Variants in NDC1 observed in about 807,000 individuals in gnomAD.
The protein encoded by NDC1 is nucleoporin NDC1.
Under a neutral mutation model 89.8 loss-of-function variants are expected in NDC1, and 24 were observed. The ratio of observed to expected loss-of-function variants is 0.27; its 90% CI spans 0.19 to 0.38. The LOEUF (loss-of-function observed/expected upper bound fraction) is 0.38. Among genes scored for constraint, NDC1 ranks in the 10% least tolerant of loss-of-function variants. The pLI is 1.00. For missense variants in NDC1, 728 were observed against 797.6 expected (o/e 0.91, Z 1.05); for synonymous variants, 296 against 284.8 (o/e 1.04, Z -0.39).
At position 53,797,116 on chromosome 1, in the gene NDC1, A is replaced by G. The variant is rs750409539; in HGVS notation, c.1251T>C (p.Ser417=). 5 of 1,614,156 alleles carry G rather than the reference A, an allele frequency of 3.1e-6. No homozygotes were observed. Among genetic ancestry groups the G allele is most frequent in the Admixed American group, 1.7e-5 (1 of 60,014 alleles). The change falls in exon 12 of 18, where the codon TCT becomes TCC. Residue 417 remains serine, a synonymous_variant. Transcript: ENST00000371429. The stretch of plus-strand genomic sequence containing the variant: ...GCACTGAAGGCCGAGGCATCTGGCT[A>G]GATTTTGGTGTCTGAAAAGCAGTTT... The part of the protein sequence containing the change: ...PEETAFQTPK[S]SQMPRPSVPP...
Position 53,767,933 on chromosome 1 carries a change from T to A in NDC1, c.*37A>T, listed in dbSNP as rs750355287. ...ACATTTACTGTCCCATCTGTAGTTG[T>A]ATCAGCAGTGTAATGAACACAGTTT... On this transcript the variant is annotated 3_prime_UTR_variant, in exon 18 of 18. Transcript: ENST00000371429. The A allele has an allele frequency of 1.6e-6, 2 of 1,280,998 alleles. No individual in the cohort carries two copies. Among genetic ancestry groups the A allele is most frequent in the African/African-American group, 3.0e-5 (2 of 67,524 alleles). 79.4% of individuals were successfully genotyped at this position (1,280,998 alleles called of 1,614,324 possible).
chr1:53,834,417 A>C lies in NDC1; in HGVS notation c.178+1083T>G, dbSNP rs553003600. On this transcript the variant is annotated intron_variant, in intron 2 of 17. Transcript: ENST00000371429. ...TTCACCTGACCAGTGGGACCTATCG[A>C]AAAAGTGATGGACGTACGTCAACAA... Among the ~76,000 whole-genome samples the C allele has an allele frequency of 8.3e-4, 127 of 152,348 alleles. 5 individuals carry two copies. The South Asian group carries it at 0.026, about 31-fold the overall frequency.
intron 11 of NDC1, among the ~76,000 whole-genome samples, chr1:53,799,742 C>G (rs1229283945): frequency 6.6e-6 from 1 of 152,172 alleles, no homozygotes; most frequent in Non-Finnish European, 1.5e-5. Flanking sequence ...CACCACCATC[C>G]TCACCCAGCC....
intron 2 of NDC1, among the ~76,000 whole-genome samples, chr1:53,833,548 T>C (rs545799308): frequency 6.6e-6 from 1 of 152,266 alleles, no homozygotes; most frequent in African/African-American, 2.4e-5. Context: ...TCTTCATAAA[T>C]GCAATTACCT....
chr1:53,781,585 G>T (rs1206106497), intron 16 of NDC1, among the ~76,000 whole-genome samples: 1 of 152,164 alleles, frequency 6.6e-6, no homozygotes, highest in African/African-American at 2.4e-5. Context: ...TCAGTGAAAT[G>T]GCTGATGTTA....
chr1:53,814,872 C>T (rs1648427580), intron 6 of NDC1, among the ~76,000 whole-genome samples: 1 of 152,094 alleles, frequency 6.6e-6, no homozygotes. Context: ...CAGATAAATT[C>T]CTGGAAAAAT....
intron 4 of NDC1, among the ~76,000 whole-genome samples, chr1:53,827,388 T>C (rs1332165314): frequency 6.6e-6 from 1 of 152,102 alleles, no homozygotes; most frequent in Non-Finnish European, 1.5e-5. Flanking sequence ...GGGATCCTCC[T>C]GCCTCAGCCT....
intron 17 of NDC1, 105 bp from the exon 18 acceptor site, chr1:53,768,138 T>C (rs1647081861): frequency 6.3e-6 from 4 of 634,192 alleles, no homozygotes; most frequent in East Asian, 6.4e-5. Context: ...TAAAAATGAA[T>C]AGAAATCTTC....
rs748315192 is a variant in NDC1 at position 53,797,043 on chromosome 1, C to G, written c.1324G>C (p.Asp442His). Residue 442 changes from aspartate (D) to histidine (H), a missense_variant, in exon 12 of 18, where the codon GAT becomes CAT. Asp to His is a moderately conservative substitution (Grantham distance 81). Coordinates refer to ENST00000371429, the MANE Select transcript of NDC1 (RefSeq NM_018087.5). ...GGGGTCCCAAATGGGCTCACAACAT[C>G]AGGTGTAGATAATTTTGAAGAAAAC... ...SLFSSKLSTPDVVSPFGTPFG... is the reference protein window; with the variant it reads ...SLFSSKLSTPHVVSPFGTPFG... 1 of 1,614,090 alleles carries G rather than the reference C, an allele frequency of 6.2e-7. No homozygotes were observed. Among genetic ancestry groups the G allele is most frequent in the Non-Finnish European group, 8.5e-7 (1 of 1,180,030 alleles).
At chr1:53,781,138 G>A (rs1394074366) in intron 16 of NDC1, among the ~76,000 whole-genome samples, 3 of 152,012 alleles carry the variant, frequency 2.0e-5, no homozygotes, top group African/African-American at 4.8e-5. Context: ...TTACAGGCAT[G>A]AGCCAACGCA....
intron 14 of NDC1, among the ~76,000 whole-genome samples, chr1:53,791,991 G>A (rs998247225): frequency 2.7e-5 from 4 of 150,328 alleles, no homozygotes; most frequent in Admixed American, 2.0e-4. Context: ...CACCCAGGCC[G>A]GACTCCAGTG....
At chr1:53,814,983 A>G (rs1570217208) in intron 6 of NDC1, among the ~76,000 whole-genome samples, 1 of 152,322 alleles carries the variant, frequency 6.6e-6, no homozygotes, top group East Asian at 1.9e-4. Flanking sequence ...CAACAAAAAA[A>G]AGTCCAGGAC....
chr1:53,806,425 C>A lies in NDC1; in HGVS notation c.984G>T (p.Lys328Asn). ...VLNSNPPPII[K>N]YLALQDLMLL... is the part of the protein sequence containing the mutation. ...AAGATATGCAACACAGTTTGGATAC[C>A]TTTATGATGGGGGGAGGATTGCTAT... is the stretch of plus-strand genomic sequence containing the variant. The change falls in exon 9 of 18, where the codon AAG becomes AAT. Residue 328 changes from lysine (K) to asparagine (N), a missense_variant and splice_region_variant. Lys to Asn is a moderately conservative substitution (Grantham distance 94, BLOSUM62 0). Transcript: ENST00000371429. 1 of 1,524,646 alleles carries A rather than the reference C, an allele frequency of 6.6e-7. No homozygotes were observed. Among genetic ancestry groups the A allele is most frequent in the East Asian group, 2.5e-5 (1 of 39,928 alleles). 94.4% of individuals were successfully genotyped at this position (1,524,646 alleles called of 1,614,324 possible).
chr1:53,816,134 T>A (rs749345986), intron 6 of NDC1, among the ~76,000 whole-genome samples: 1 of 152,054 alleles, frequency 6.6e-6, no homozygotes, highest in Non-Finnish European at 1.5e-5. Flanking sequence ...AGAGCCCACA[T>A]AGCCAAAGCA....
chr1:53,801,394 T>C lies in NDC1; in HGVS notation c.1067-546A>G, dbSNP rs781488002. ...TGACTCGTTAATAATGATCACACTT[T>C]ACACTCAGAGAGCTTACAGATTATC... is the stretch of plus-strand genomic sequence containing the variant. On this transcript the variant is annotated intron_variant, in intron 10 of 17. Coordinates refer to ENST00000371429, the MANE Select transcript of NDC1 (RefSeq NM_018087.5). Among the ~76,000 whole-genome samples the C allele has an allele frequency of 3.4e-4, 51 of 152,220 alleles. 1 individual carries two copies. The highest frequency in any genetic ancestry group is 2.4e-4 in the Non-Finnish European group (16 of 68,026).
intron 6 of NDC1, among the ~76,000 whole-genome samples, chr1:53,810,424 C>CA (rs112086501): frequency 0.058 from 6,227 of 107,734 alleles, 166 homozygotes; most frequent in Middle Eastern, 0.17. Context: ...AAGAAACTGG[C>CA]AAAAAAAAAA....
At chr1:53,786,232 T>TG (rs1192924551) in intron 16 of NDC1, among the ~76,000 whole-genome samples, 2 of 152,088 alleles carry the variant, frequency 1.3e-5, no homozygotes. Flanking sequence ...GGCCTCCAGA[T>TG]GCCATCTCTA....
At chr1:53,805,923 A>T (rs1206081355) in intron 9 of NDC1, among the ~76,000 whole-genome samples, 3 of 152,062 alleles carry the variant, frequency 2.0e-5, no homozygotes, top group African/African-American at 7.2e-5. Context: ...AAATACAAAA[A>T]ATTAGCCGGG....
In NDC1 at chr1:53,787,203, C is replaced by T. The variant is rs1284076463; in HGVS notation, c.1755G>A (p.Gln585=). ...SFTEDRFGVV[Q]TTLPAILNTL... is the part of the protein sequence containing the mutation. ...TATTAAGGATAGCTGGTAGTGTCGT[C>T]TGGACAACTCCAAATCTATCCTCTG... The change falls in exon 16 of 18, where the codon CAG becomes CAA. Residue 585 remains glutamine (Q), a synonymous_variant. Coordinates refer to ENST00000371429, the MANE Select transcript of NDC1 (RefSeq NM_018087.5). 6.2e-7 allele frequency: 1 copy of T among 1,611,130 alleles called. No homozygotes were observed. The highest frequency in any genetic ancestry group is 1.7e-5 in the Admixed American group (1 of 59,812).
Sources: gnomAD v4.1 joint callset for allele counts (sites outside exome capture counted in the v4.1 genomes callset) on GRCh38, gnomAD v4.1.1 for gene constraint, MANE v1.5 for transcripts, NCBI Gene and HGNC (gene_info 2026-07-23, HGNC 2026-07-21) for gene names.